Variants in TLR6 observed in about 807,000 individuals in gnomAD.
TLR6 encodes the protein toll like receptor 6, also known as toll-like receptor 6.
In TLR6, 9 loss-of-function variants were observed where a neutral mutation model predicts 16.1. The observed-to-expected ratio is 0.56, with a 90% CI of 0.34 to 0.98. The LOEUF (loss-of-function observed/expected upper bound fraction) is 0.98, where lower values mean the gene tolerates loss of function less well. Among genes scored for constraint, TLR6 ranks in the 50% least tolerant of loss-of-function variants. The pLI is 0.02. For synonymous variants in TLR6, 340 were observed against 338.6 expected, an observed-to-expected ratio of 1.00 and a Z score of -0.04; for missense variants, 786 against 921.0, an observed-to-expected ratio of 0.85 and a Z score of 1.90.
intron 1 of TLR6, among the ~76,000 whole-genome samples, chr4:38,830,904 A>T (rs1011783967): frequency 6.6e-6 from 1 of 152,220 alleles, no homozygotes; most frequent in African/African-American, 2.4e-5. Context: ...CAAACCTTGC[A>T]AAAAGCAAAT....
chr4:38,860,736 T>G (rs539041750), upstream of TLR6, among the ~76,000 whole-genome samples: 1 of 151,860 alleles, frequency 6.6e-6, no homozygotes, highest in African/African-American at 2.4e-5. Context: ...CTCAAACACA[T>G]GGAAAGGTAT....
At chr4:38,858,885 A>AAGAAAGAG (rs1713126721), upstream of TLR6, among the ~76,000 whole-genome samples, 1 of 67,380 alleles carries the variant, frequency 1.5e-5, no homozygotes, top group Non-Finnish European at 3.2e-5. Context: ...GAAAGAAAGA[A>AAGAAAGAG]AGAGAGAAAG....
the TLR6 span, among the ~76,000 whole-genome samples, chr4:38,867,303 G>A: frequency 6.6e-6 from 1 of 152,212 alleles, no homozygotes; most frequent in Non-Finnish European, 1.5e-5. Flanking sequence ...GAATTCCTAG[G>A]CCAAAGCTAA....
the TLR6 span, among the ~76,000 whole-genome samples, chr4:38,862,227 TG>T: frequency 1.2e-4 from 19 of 152,322 alleles, no homozygotes; most frequent in African/African-American, 4.3e-4. Flanking sequence ...ACTCTTGCAA[TG>T]ATCTTCTCTC....
chr4:38,848,931 C>A (rs1490846490), intron 1 of TLR6, among the ~76,000 whole-genome samples: 1 of 152,140 alleles, frequency 6.6e-6, no homozygotes, highest in Non-Finnish European at 1.5e-5. Context: ...ACAGAGAACA[C>A]CACAAAGATA....
chr4:38,837,944 T>C (rs1313786965), intron 1 of TLR6, among the ~76,000 whole-genome samples: 2 of 152,090 alleles, frequency 1.3e-5, no homozygotes, highest in South Asian at 2.1e-4. Flanking sequence ...AGGATTTGAA[T>C]AGACATTTCT....
chr4:38,825,760 G>C (rs1311090531), exon 2 of TLR6: 1 of 152,118 alleles, frequency 6.6e-6, no homozygotes, highest in Non-Finnish European at 1.5e-5. Context: ...TCATGACAAT[G>C]CAAGCCCAGC....
intron 1 of TLR6, among the ~76,000 whole-genome samples, chr4:38,855,568 A>G (rs1712949117): frequency 6.6e-6 from 1 of 152,234 alleles, no homozygotes; most frequent in African/African-American, 2.4e-5. Flanking sequence ...ATAATAGTAG[A>G]TAACTGGCAT....
At chr4:38,832,856 A>C (rs570992034) in intron 1 of TLR6, among the ~76,000 whole-genome samples, 212 of 152,282 alleles carry the variant, frequency 1.4e-3, no homozygotes, top group African/African-American at 4.8e-3. Flanking sequence ...CAAAGTGTGC[A>C]TTCCCCAGAG....
chr4:38,846,247 G>GTA (rs1712526408), intron 1 of TLR6, among the ~76,000 whole-genome samples: 1 of 152,132 alleles, frequency 6.6e-6, no homozygotes, highest in Non-Finnish European at 1.5e-5. Context: ...CAGAAAGCAA[G>GTA]TACCATAATA....
intron 1 of TLR6, among the ~76,000 whole-genome samples, chr4:38,849,748 C>A (rs1358978801): frequency 6.6e-6 from 1 of 151,992 alleles, no homozygotes; most frequent in African/African-American, 2.4e-5. Flanking sequence ...TATATATGCA[C>A]CCAATACAAA....
At chr4:38,829,996 AG>A (rs1727750014) in intron 1 of TLR6, among the ~76,000 whole-genome samples, 1 of 152,252 alleles carries the variant, frequency 6.6e-6, no homozygotes. Context: ...GGGAGAAAAA[AG>A]GCTGAGGAAA....
At chr4:38,835,082 A>G (rs888191605) in intron 1 of TLR6, among the ~76,000 whole-genome samples, 2 of 152,232 alleles carry the variant, frequency 1.3e-5, no homozygotes, top group African/African-American at 4.8e-5. Flanking sequence ...AACAACCAGA[A>G]AACAATAAGC....
At chr4:38,850,089 T>C (rs1239199109) in intron 1 of TLR6, among the ~76,000 whole-genome samples, 4 of 152,046 alleles carry the variant, frequency 2.6e-5, no homozygotes, top group African/African-American at 9.7e-5. Context: ...TCAAAACCAC[T>C]CAACTACATG....
chr4:38,846,083 C>T (rs1179984607), intron 1 of TLR6, among the ~76,000 whole-genome samples: 6 of 93,486 alleles, frequency 6.4e-5, no homozygotes, highest in African/African-American at 1.0e-4. Context: ...CAGAGCGAGA[C>T]ATCTCAAAAA....
chr4:38,863,186 CA>C, the TLR6 span, among the ~76,000 whole-genome samples: 1 of 152,156 alleles, frequency 6.6e-6, no homozygotes, highest in African/African-American at 2.4e-5. Flanking sequence ...GAACTATTAG[CA>C]GCGTTTAACA....
intron 1 of TLR6, among the ~76,000 whole-genome samples, chr4:38,833,287 G>A (rs1160650294): frequency 6.6e-6 from 1 of 152,168 alleles, no homozygotes; most frequent in Non-Finnish European, 1.5e-5. Flanking sequence ...TTTCACACAG[G>A]GGCCTGAGAA....
At chr4:38,851,013 A>T (rs1356993779) in intron 1 of TLR6, among the ~76,000 whole-genome samples, 1 of 152,206 alleles carries the variant, frequency 6.6e-6, no homozygotes, top group Non-Finnish European at 1.5e-5. Flanking sequence ...CCAGCAGCAC[A>T]TCAAAAAGCT....
At chr4:38,839,578 T>C (rs1712146472) in intron 1 of TLR6, among the ~76,000 whole-genome samples, 2 of 152,198 alleles carry the variant, frequency 1.3e-5, no homozygotes, top group South Asian at 4.1e-4. Context: ...AACTCAGCCA[T>C]CTGCTGCAAC....
Sources: allele counts gnomAD v4.1 joint callset (sites outside exome capture counted in the v4.1 genomes callset), GRCh38; gene constraint gnomAD v4.1.1; transcripts MANE v1.5; gene names NCBI Gene and HGNC (gene_info 2026-07-23, HGNC 2026-07-21).